PCLO: variants seen among roughly 807,000 people sequenced by gnomAD.
The protein encoded by PCLO is piccolo presynaptic cytomatrix protein, also known as protein piccolo.
PCLO carries 82 observed loss-of-function variants against 427.5 expected under a neutral mutation model. The observed-to-expected ratio is 0.19, with a 90% CI of 0.16 to 0.23. The LOEUF (loss-of-function observed/expected upper bound fraction) is 0.23, where lower values mean the gene tolerates loss of function less well. Ranked by LOEUF, PCLO falls within the 10% of genes least tolerant of loss-of-function variation. PCLO has a pLI of 1.00. For synonymous variants in PCLO, 2,357 were observed against 2,155.4 expected, an observed-to-expected ratio of 1.09 and a Z score of -2.59; for missense variants, 6,239 against 6,115.9, an observed-to-expected ratio of 1.02 and a Z score of -0.67.
At chr7:82,792,543 C>G (rs12707522) in intron 22 of PCLO, among the ~76,000 whole-genome samples, 151,883 of 152,200 alleles carry the variant, frequency 1, 75,783 homozygotes, top group East Asian at 1. Flanking sequence ...GCCTAGGCTT[C>G]TCTTGAACTC....
chr7:82,818,703 T>C (rs1165611514), intron 20 of PCLO, among the ~76,000 whole-genome samples: 1 of 152,204 alleles, frequency 6.6e-6, no homozygotes, highest in African/African-American at 2.4e-5. Context: ...AATTTCTAGC[T>C]GTGTGTTCTT....
At chr7:82,851,503 A>G (rs897280045) in intron 10 of PCLO, among the ~76,000 whole-genome samples, 1 of 152,130 alleles carries the variant, frequency 6.6e-6, no homozygotes, top group Non-Finnish European at 1.5e-5. Flanking sequence ...ATAAATTATA[A>G]TAGTTGTTCA....
chr7:83,042,519 T>C (rs150038347), intron 3 of PCLO, among the ~76,000 whole-genome samples: 1 of 152,106 alleles, frequency 6.6e-6, no homozygotes, highest in South Asian at 2.1e-4. Flanking sequence ...ATTCTTAACT[T>C]CATAAACAAG....
chr7:83,134,228 T>C, intron 3 of PCLO, 22 bp downstream of exon 3: 1 of 646,606 alleles, frequency 1.5e-6, no homozygotes, highest in Non-Finnish European at 2.2e-6. Flanking sequence ...AATATATATA[T>C]ATATATATAT....
chr7:82,768,715 C>T (rs1790584938), intron 22 of PCLO, among the ~76,000 whole-genome samples: 1 of 152,004 alleles, frequency 6.6e-6, no homozygotes, highest in Non-Finnish European at 1.5e-5. Context: ...CACAGCAATT[C>T]TTAAATCACT....
intron 6 of PCLO, among the ~76,000 whole-genome samples, chr7:82,922,669 G>C (rs1257736733): frequency 6.6e-6 from 1 of 151,812 alleles, no homozygotes; most frequent in Non-Finnish European, 1.5e-5. Context: ...ATAATCTGTA[G>C]TCCAAACCCT....
At chr7:82,761,758 T>TA (rs56766086) in intron 22 of PCLO, among the ~76,000 whole-genome samples, 11,917 of 152,082 alleles carry the variant, frequency 0.078, 1,138 homozygotes, top group African/African-American at 0.23. Flanking sequence ...TCCATGCCCT[T>TA]AAGCCTGTAA....
chr7:83,005,525 G>A (rs1037784536), intron 3 of PCLO, among the ~76,000 whole-genome samples: 1 of 151,546 alleles, frequency 6.6e-6, no homozygotes, highest in East Asian at 1.9e-4. Context: ...TAATTGCAAT[G>A]TATTGTATAC....
At chr7:82,938,641 T>C (rs564476243) in intron 6 of PCLO, among the ~76,000 whole-genome samples, 1 of 152,080 alleles carries the variant, frequency 6.6e-6, no homozygotes, top group South Asian at 2.1e-4. Flanking sequence ...TAAAGACTAT[T>C]ACTAAAACAT....
chr7:83,022,976 C>T (rs1788383108), intron 3 of PCLO, among the ~76,000 whole-genome samples: 1 of 151,990 alleles, frequency 6.6e-6, no homozygotes, highest in Non-Finnish European at 1.5e-5. Context: ...TCTATAAATG[C>T]ATATATCAAA....
intron 6 of PCLO, among the ~76,000 whole-genome samples, chr7:82,935,169 C>G (rs1794921907): frequency 8.3e-6 from 1 of 120,564 alleles, no homozygotes; most frequent in Non-Finnish European, 1.6e-5. Flanking sequence ...CATAGAATGA[C>G]CAGGAAGCAA....
chr7:82,949,720 A>C lies in PCLO; in HGVS notation c.10868T>G (p.Leu3623Arg). 1 of 1,613,812 alleles carries C rather than the reference A, an allele frequency of 6.2e-7. No individual in the cohort carries two copies. The highest frequency in any genetic ancestry group is 8.5e-7 in the Non-Finnish European group (1 of 1,179,824). The change falls in exon 6 of 25, where the codon CTT becomes CGT. Residue 3623 changes from leucine (L) to arginine (R), a missense_variant. Transcript: ENST00000333891. ...TGAAAGTGGTGAGATGGGTGAGTAA[A>C]GGACTTTGGGGGATTTGGGTGGGGA... The part of the protein sequence containing the change: ...APSPPKSPKV[L>R]YSPISPLSPG...
At position 83,154,783 on chromosome 7, in the gene PCLO, G is replaced by A; in HGVS notation, c.1858C>T (p.Leu620Phe). 1 of 1,613,924 alleles carries A rather than the reference G, an allele frequency of 6.2e-7. No homozygotes were observed. The highest frequency in any genetic ancestry group is 8.5e-7 in the Non-Finnish European group (1 of 1,179,798). The change falls in exon 2 of 25, where the codon CTC becomes TTC. Residue 620 changes from leucine to phenylalanine, a missense_variant. By Grantham distance (22) the Leu-to-Phe change is conservative. Coordinates refer to ENST00000333891, the MANE Select transcript of PCLO (RefSeq NM_033026.6). Reference protein sequence around the residue: ...CTECQTTVCSLCGFNPNPHLT... With the variant: ...CTECQTTVCSFCGFNPNPHLT... ...TGAGGATTGGGATTAAAACCACAGA[G>A]ACTACAGACAGTGGTTTGACACTCA... is the stretch of plus-strand genomic sequence containing the variant.
chr7:82,760,375 G>A (rs1246740577), intron 24 of PCLO, among the ~76,000 whole-genome samples: 1 of 151,890 alleles, frequency 6.6e-6, no homozygotes, highest in African/African-American at 2.4e-5. Flanking sequence ...GCCCAAAAAG[G>A]TTTAGTGGCA....
At chr7:82,879,522 A>G in intron 9 of PCLO, 60 bp from the exon 10 acceptor site, 1 of 1,328,304 alleles carries the variant, frequency 7.5e-7, no homozygotes, top group Non-Finnish European at 1.0e-6. Flanking sequence ...TAGTTATCAC[A>G]AGTTACAGAG....
At chr7:83,119,093 C>A (rs1195246410) in intron 3 of PCLO, among the ~76,000 whole-genome samples, 2 of 152,158 alleles carry the variant, frequency 1.3e-5, no homozygotes, top group African/African-American at 4.8e-5. Flanking sequence ...ATTTCTGGAC[C>A]CATTCTGGGA....
intron 3 of PCLO, among the ~76,000 whole-genome samples, chr7:83,001,129 A>C (rs1399164329): frequency 6.6e-6 from 1 of 152,068 alleles, no homozygotes; most frequent in Non-Finnish European, 1.5e-5. Context: ...CATCAAATAA[A>C]ATAAAAATTT....
rs1032687439 is a variant in PCLO, at chr7:82,776,927, C to G, written c.15008-15434G>C. Among the ~76,000 whole-genome samples the G allele has an allele frequency of 9.2e-5, 14 of 151,788 alleles. No individual in the cohort carries two copies. In the South Asian group the frequency reaches 1.0e-3, roughly 11 times the overall value. ...ATACGCACACACACACACACACACA[C>G]ACACATACACACATACATATATATA... On this transcript the variant is annotated intron_variant, in intron 22 of 24. Coordinates refer to ENST00000333891, the MANE Select transcript of PCLO (RefSeq NM_033026.6).
At position 83,050,227 on chromosome 7, in the gene PCLO, A is replaced by AAAAAAAAC. The variant is rs1168847914; in HGVS notation, c.3301-83741_3301-83740insGTTTTTTT. ...AAAACTGAAAAAAAAAAAAAAAAAA[A>AAAAAAAAC]AAAAAAAAAACACAAGCAAACAAAA... On this transcript the variant is annotated intron_variant, in intron 3 of 24. Coordinates refer to ENST00000333891, the MANE Select transcript of PCLO (RefSeq NM_033026.6). 5.5e-4 allele frequency among the ~76,000 whole-genome samples: 47 copies of AAAAAAAAC among 85,646 alleles called. 1 individual carries two copies. Among genetic ancestry groups the AAAAAAAAC allele is most frequent in the Non-Finnish European group, 1.1e-3 (42 of 37,722 alleles). 56.2% of individuals were successfully genotyped at this position (85,646 alleles called of 152,430 possible).
Sources: allele counts gnomAD v4.1 joint callset (sites outside exome capture counted in the v4.1 genomes callset), GRCh38; gene constraint gnomAD v4.1.1; transcripts MANE v1.5; gene names NCBI Gene and HGNC (gene_info 2026-07-23, HGNC 2026-07-21).